The following TENM1 variants were observed in gnomAD, a reference collection of about 807,000 sequenced individuals.
TENM1 encodes the protein teneurin-1.
In TENM1, 35 loss-of-function variants were observed where a neutral mutation model predicts 174.8. That is an observed-to-expected ratio of 0.20 (90% CI 0.15 to 0.27). TENM1 has a LOEUF of 0.27. Among genes scored for constraint, TENM1 ranks in the 10% least tolerant of loss-of-function variants. The probability of loss-of-function intolerance (pLI) is 1.00; values close to 1 mark genes in which losing one functional copy is unlikely to be tolerated. For synonymous variants in TENM1, 781 were observed against 798.7 expected (o/e 0.98, Z 0.37); for missense variants, 1,633 against 2,130.1 (o/e 0.77, Z 4.59).
At chrX:124,894,191 TG>T in intron 3 of TENM1, 104 bp downstream of exon 6, 2 of 569,946 alleles carry the variant, frequency 3.5e-6, no homozygotes, top group South Asian at 5.3e-5. Context: ...TGAGCAGGCT[TG>T]TATGTTGTTT....
chrX:124,615,223 A>G (rs187547106), intron 11 of TENM1, among the ~76,000 whole-genome samples: 2 of 112,468 alleles, frequency 1.8e-5, no homozygotes, highest in Admixed American at 1.9e-4. Context: ...TCTACATCAC[A>G]GGTGTTCCTG....
At chrX:125,076,627 CAG>C in the TENM1 span, among the ~76,000 whole-genome samples, 3 of 111,335 alleles carry the variant, frequency 2.7e-5, no homozygotes, top group South Asian at 7.5e-4. Context: ...ATAGCATAGG[CAG>C]TGTTTGGATT....
exon 15 of TENM1, chrX:124,547,073 C>T: frequency 1.7e-6 from 2 of 1,209,672 alleles, no homozygotes; most frequent in Non-Finnish European, 2.2e-6. Context: ...TCAGGATCCA[C>T]ACAGTCGGTT....
At chrX:124,404,992 C>T (rs953107335) in intron 27 of TENM1, 39 bp downstream of exon 30, 3 of 1,086,691 alleles carry the variant, frequency 2.8e-6, no homozygotes, top group Non-Finnish European at 2.5e-6. Flanking sequence ...AACAAAACAC[C>T]TATAAAAGTT....
intron 21 of TENM1, among the ~76,000 whole-genome samples, chrX:124,484,144 T>G (rs1304635841): frequency 9.0e-6 from 1 of 111,442 alleles, no homozygotes; most frequent in Non-Finnish European, 1.9e-5. Context: ...GACTGAAATG[T>G]GTCTGATTGT....
At chrX:124,754,080 T>A (rs146484270) in intron 3 of TENM1, among the ~76,000 whole-genome samples, 16,128 of 111,019 alleles carry the variant, frequency 0.15, 1,383 homozygotes, top group African/African-American at 0.32. Flanking sequence ...TTCCTCCTTG[T>A]ACCTCTGGTA....
chrX:124,563,489 A>G (rs1178150012), intron 13 of TENM1, among the ~76,000 whole-genome samples: 1 of 110,086 alleles, frequency 9.1e-6, no homozygotes, highest in Non-Finnish European at 1.9e-5. Context: ...CTCAATATAA[A>G]GACAAGAAAA....
chrX:125,180,328 C>A, the TENM1 span, among the ~76,000 whole-genome samples: 1 of 98,011 alleles, frequency 1.0e-5, no homozygotes, highest in Non-Finnish European at 2.0e-5. Context: ...CTTGGCCTCC[C>A]AAAGTGATAG....
chrX:124,886,540 T>TAGAG (rs1241700826), intron 3 of TENM1, among the ~76,000 whole-genome samples: 94 of 90,903 alleles, frequency 1.0e-3, no homozygotes, highest in African/African-American at 3.8e-3. Context: ...TATATATATA[T>TAGAG]ATATATATAG....
At chrX:124,405,673 C>G (rs1447589492) in intron 26 of TENM1, among the ~76,000 whole-genome samples, 1 of 110,877 alleles carries the variant, frequency 9.0e-6, no homozygotes. Context: ...AGTTGCCGTA[C>G]TCCACAAAAT....
rs371352980 is a variant in TENM1 at position 124,824,017 on chromosome X, T to C, written c.535+70279A>G. Among the ~76,000 whole-genome samples, 363 of 112,162 alleles carry C rather than the reference T, an allele frequency of 3.2e-3. 1 individual carries two copies. The highest frequency in any genetic ancestry group is 5.6e-3 in the Non-Finnish European group (298 of 53,191). On this transcript the variant is annotated intron_variant, in intron 3 of 31. Coordinates refer to ENST00000422452, the Ensembl canonical transcript of TENM1. ...TCAGCTAATACTGCATAATGCTGTA[T>C]GGTATAGGTACACCATGATTTATTT...
At chrX:124,976,002 C>T in the TENM1 span, among the ~76,000 whole-genome samples, 3 of 110,938 alleles carry the variant, frequency 2.7e-5, no homozygotes, top group Non-Finnish European at 5.7e-5. Flanking sequence ...TCATGGCTAG[C>T]ACATGAGAAT....
rs1302737295 is a variant in TENM1 at position 124,710,696 on chromosome X, G to A, written c.777-5445C>T. On this transcript the variant is annotated intron_variant, in intron 4 of 31. Transcript: ENST00000422452. ...TTTATTTGAGTGGAATCCAAATCAC[G>A]GTTCTCAATGAGGGTAGATAATAAA... is the stretch of plus-strand genomic sequence containing the variant. Among the ~76,000 whole-genome samples, 6 of 111,974 alleles carry A rather than the reference G, an allele frequency of 5.4e-5. No homozygotes were observed. The East Asian group carries it at 8.3e-4, about 16-fold the overall frequency.
At chrX:124,466,732 C>T (rs989202275) in intron 22 of TENM1, among the ~76,000 whole-genome samples, 1 of 111,314 alleles carries the variant, frequency 9.0e-6, no homozygotes, top group Non-Finnish European at 1.9e-5. Flanking sequence ...TCTGTCCACT[C>T]TCCCTGGAAA....
intron 3 of TENM1, among the ~76,000 whole-genome samples, chrX:124,786,756 A>G (rs780144592): frequency 9.0e-5 from 10 of 111,428 alleles, no homozygotes; most frequent in Non-Finnish European, 1.7e-4. Flanking sequence ...TTTACTGAGC[A>G]ACTGTTTATA....
At chrX:124,723,603 GT>G (rs1198093791) in intron 4 of TENM1, among the ~76,000 whole-genome samples, 2,017 of 74,763 alleles carry the variant, frequency 0.027, 27 homozygotes, top group African/African-American at 0.054. Flanking sequence ...TTTTTTTTTT[GT>G]TTTTTTTTTT....
intron 3 of TENM1, among the ~76,000 whole-genome samples, chrX:124,832,091 G>T (rs1024151502): frequency 6.3e-5 from 7 of 111,646 alleles, no homozygotes; most frequent in African/African-American, 2.0e-4. Flanking sequence ...CGAGATACAA[G>T]AAGTGGGGGA....
the TENM1 span, among the ~76,000 whole-genome samples, chrX:125,128,429 T>C: frequency 8.9e-6 from 1 of 112,007 alleles, no homozygotes; most frequent in Non-Finnish European, 1.9e-5. Flanking sequence ...TGCTAGTTAC[T>C]GCTAATGCTA....
chrX:125,069,437 G>A, the TENM1 span, among the ~76,000 whole-genome samples: 2 of 111,540 alleles, frequency 1.8e-5, no homozygotes, highest in East Asian at 5.6e-4. Context: ...CTTTGCTACG[G>A]TGAATAGTGC....
Sources: gnomAD v4.1 joint callset for allele counts (sites outside exome capture counted in the v4.1 genomes callset) on GRCh38, gnomAD v4.1.1 for gene constraint, MANE v1.5 for transcripts, NCBI Gene and HGNC (gene_info 2026-07-23, HGNC 2026-07-21) for gene names.